The following SCIMP variants were observed in gnomAD, a reference collection of about 807,000 sequenced individuals.
SCIMP encodes the protein SLP adapter and CSK-interacting membrane protein.
Under a neutral mutation model 22.0 loss-of-function variants are expected in SCIMP, and 18 were observed. That is an observed-to-expected ratio of 0.82 (90% CI 0.56 to 1.21). The LOEUF (loss-of-function observed/expected upper bound fraction) is 1.21, where lower values mean the gene tolerates loss of function less well. Among genes scored for constraint, SCIMP ranks in the 50% most tolerant of loss-of-function variants. The probability of loss-of-function intolerance (pLI) is 0.00; values close to 1 mark genes in which losing one functional copy is unlikely to be tolerated. For synonymous variants in SCIMP, 53 were observed against 62.2 expected (o/e 0.85, Z 0.70); for missense variants, 155 against 171.2 (o/e 0.91, Z 0.53).
intron 1 of SCIMP, among the ~76,000 whole-genome samples, chr17:5,224,280 G>A (rs578125757): frequency 6.6e-6 from 1 of 151,758 alleles, no homozygotes; most frequent in East Asian, 1.9e-4. Flanking sequence ...GACTACAGGC[G>A]CCCACGACCA....
At chr17:5,233,646 G>A (rs2074720166) in intron 1 of SCIMP, among the ~76,000 whole-genome samples, 1 of 151,946 alleles carries the variant, frequency 6.6e-6, no homozygotes, top group African/African-American at 2.4e-5. Context: ...GCTGGGATTA[G>A]AGGCGTGAGC....
rs539287130 is a variant in SCIMP, at chr17:5,227,742, C to T, written c.22-4286G>A. Among the ~76,000 whole-genome samples, 4 of 152,358 alleles carry T rather than the reference C, an allele frequency of 2.6e-5. No individual in the cohort carries two copies. In the East Asian group the frequency reaches 7.7e-4, roughly 29 times the overall value. ...CTCCTCCACCTTCCAGCCCAGTCCC[C>T]ATCCCCCATTCCCATGGCGCTTTCT... On this transcript the variant is annotated intron_variant, in intron 1 of 4. Coordinates refer to ENST00000574081, the MANE Select transcript of SCIMP (RefSeq NM_207103.3).
At chr17:5,212,023 G>A (rs911477395) in intron 4 of SCIMP, among the ~76,000 whole-genome samples, 5 of 151,906 alleles carry the variant, frequency 3.3e-5, no homozygotes, top group Non-Finnish European at 5.9e-5. Flanking sequence ...ACTCTAGCCT[G>A]GGCAACAGAG....
At chr17:5,219,027 A>G (rs1263852402) in intron 3 of SCIMP, among the ~76,000 whole-genome samples, 5 of 152,096 alleles carry the variant, frequency 3.3e-5, no homozygotes, top group Non-Finnish European at 7.4e-5. Flanking sequence ...CTTCCTAATA[A>G]GAGTGTCTCC....
intron 4 of SCIMP, 23 bp from the exon 5 acceptor site, chr17:5,210,978 T>C: frequency 6.3e-7 from 1 of 1,588,184 alleles, no homozygotes; most frequent in Non-Finnish European, 8.5e-7. Context: ...AAAAGCTCCT[T>C]AGATGCAAAG....
chr17:5,231,706 T>C (rs887292482), intron 1 of SCIMP, among the ~76,000 whole-genome samples: 3 of 152,154 alleles, frequency 2.0e-5, no homozygotes, highest in Non-Finnish European at 4.4e-5. Flanking sequence ...TTGAGACCTG[T>C]TTTCCCATCT....
At position 5,209,165 on chromosome 17, in the gene SCIMP, A is replaced by T. The variant is rs933586157; in HGVS notation, c.*1636T>A. Reference sequence around the variant, plus strand: ...TTTATTTATTTTTAGATGGAGTTTCACTCTTGTTGTCCAGGCTGGAGTGCA... The same window carrying T: ...TTTATTTATTTTTAGATGGAGTTTCTCTCTTGTTGTCCAGGCTGGAGTGCA... On this transcript the variant is annotated 3_prime_UTR_variant, in exon 5 of 5. Transcript: ENST00000574081. 1.3e-5 allele frequency: 2 copies of T among 151,668 alleles called. No individual in the cohort carries two copies. The highest frequency in any genetic ancestry group is 4.9e-5 in the African/African-American group (2 of 41,204). 9.4% of individuals were successfully genotyped at this position (151,668 alleles called of 1,614,324 possible). A position where few individuals can be genotyped will look rare whatever the true frequency, so the allele number is the denominator to read the frequency against.
chr17:5,223,543 GT>G (rs371714640), intron 1 of SCIMP, 87 bp from the exon 2 acceptor site: 594 of 1,210,176 alleles, frequency 4.9e-4, no homozygotes, highest in Non-Finnish European at 5.5e-4. Context: ...ACTGTGGGTT[GT>G]TTTTTTTTTC....
Position 5,234,768 on chromosome 17 carries a change from A to T in SCIMP, c.-13T>A. On this transcript the variant is annotated 5_prime_UTR_variant, in exon 1 of 5. Transcript: ENST00000574081. ...TGAAAGTATCCATATGTGAGCAGCT[A>T]AGGAGACAGCAGTGGCTGGAGTGCT... The T allele has an allele frequency of 6.2e-7, 1 of 1,609,268 alleles. No homozygotes were observed. The highest frequency in any genetic ancestry group is 1.3e-5 in the African/African-American group (1 of 75,042).
chr17:5,217,404 G>GTGTC (rs1555613358), intron 3 of SCIMP, among the ~76,000 whole-genome samples: 19 of 151,502 alleles, frequency 1.3e-4, no homozygotes, highest in African/African-American at 3.4e-4. Context: ...GTGTGTGTGT[G>GTGTC]TGTGTGTTTG....
At chr17:5,218,806 T>G (rs769367875) in intron 3 of SCIMP, among the ~76,000 whole-genome samples, 12 of 152,248 alleles carry the variant, frequency 7.9e-5, no homozygotes, top group Non-Finnish European at 1.6e-4. Flanking sequence ...AAAAATGTTT[T>G]GTATACAGGG....
In SCIMP at chr17:5,221,364, AG is replaced by A; in HGVS notation, c.146-15del. The stretch of plus-strand genomic sequence containing the variant: ...CCCATTTCTTGCCTAAGAGGGGAAA[AG>A]CATGTTCATTGAAGAAGAATTAGCA... On this transcript the variant is annotated splice_polypyrimidine_tract_variant and intron_variant, in intron 2 of 4. Transcript: ENST00000574081. 1 of 1,604,732 alleles carries A rather than the reference AG, an allele frequency of 6.2e-7. No individual in the cohort carries two copies. The highest frequency in any genetic ancestry group is 1.1e-5 in the South Asian group (1 of 90,858).
intron 4 of SCIMP, chr17:5,213,386 A>AT: frequency 3.8e-6 from 1 of 265,430 alleles, no homozygotes. Flanking sequence ...AGCTGGGACT[A>AT]TAAGTGTGCA....
chr17:5,211,302 A>C lies in SCIMP; in HGVS notation c.284-347T>G, dbSNP rs562098764. Among the ~76,000 whole-genome samples the C allele has an allele frequency of 2.0e-4, 30 of 152,350 alleles. No homozygotes were observed. The South Asian group carries it at 4.1e-3, about 21-fold the overall frequency. On this transcript the variant is annotated intron_variant, in intron 4 of 4. Coordinates refer to ENST00000574081, the MANE Select transcript of SCIMP (RefSeq NM_207103.3). ...TCTGGGAGGCCCAGGTGGGAGGATC[A>C]CTTGAGCCCAGGAGTTCCAGACCAG...
At chr17:5,232,512 A>G (rs1265212853) in intron 1 of SCIMP, among the ~76,000 whole-genome samples, 1 of 140,664 alleles carries the variant, frequency 7.1e-6, no homozygotes, top group African/African-American at 2.9e-5. Context: ...TCGGGAGTCC[A>G]CAGAAGTCCT....
At chr17:5,213,691 A>G (rs536532322) in intron 4 of SCIMP, 2 of 152,286 alleles carry the variant, frequency 1.3e-5, no homozygotes, top group African/African-American at 4.8e-5. Context: ...TACTAAACAT[A>G]CAAAAAATTA....
At chr17:5,230,578 C>A (rs2074686049) in intron 1 of SCIMP, among the ~76,000 whole-genome samples, 2 of 152,158 alleles carry the variant, frequency 1.3e-5, no homozygotes, top group Admixed American at 1.3e-4. Flanking sequence ...GCCTGCAGAA[C>A]TTAACCTACC....
Position 5,221,291 on chromosome 17 carries a change from A to T in SCIMP, c.205T>A (p.Tyr69Asn), listed in dbSNP as rs1011981110. 3 of 1,611,606 alleles carry T rather than the reference A, an allele frequency of 1.9e-6. No homozygotes were observed. The highest frequency in any genetic ancestry group is 1.3e-5 in the African/African-American group (1 of 74,856). ...GAAGGATTCCCCCCTACTTACTCAT[A>T]CATCTTTTCTTCATCTACTTGCTTG... is the stretch of plus-strand genomic sequence containing the variant. ...KHKQVDEEKM[Y>N]ENVLNESPVQ... The change falls in exon 3 of 5, where the codon TAT (tyrosine) becomes AAT (asparagine). Residue 69 changes from tyrosine to asparagine, a missense_variant. Tyr to Asn is a moderately radical substitution (Grantham distance 143, BLOSUM62 -2). Coordinates refer to ENST00000574081, the MANE Select transcript of SCIMP (RefSeq NM_207103.3).
rs565875709 is a variant in SCIMP, at chr17:5,229,604, C to T, written c.21+5131G>A. Among the ~76,000 whole-genome samples the T allele has an allele frequency of 6.6e-5, 10 of 152,076 alleles. 1 individual carries two copies. In the South Asian group the frequency reaches 2.1e-3, roughly 32 times the overall value. On this transcript the variant is annotated intron_variant, in intron 1 of 4. Transcript: ENST00000574081. ...AGATGGCGTTTCACACCATATTGGT[C>T]AGGCTGGTCTTGAACTCCTGACTTC...
Sources: gnomAD v4.1 joint callset for allele counts (sites outside exome capture counted in the v4.1 genomes callset) on GRCh38, gnomAD v4.1.1 for gene constraint, MANE v1.5 for transcripts, NCBI Gene and HGNC (gene_info 2026-07-23, HGNC 2026-07-21) for gene names.